Variants in SMAD6 observed in about 807,000 individuals in gnomAD.
SMAD6 encodes the protein SMAD family member 6.
SMAD6 carries 103 observed loss-of-function variants against 39.4 expected under a neutral mutation model. That is an observed-to-expected ratio of 2.62 (90% CI 2.23 to 3.08). SMAD6 has a LOEUF of 3.08. Ranked by LOEUF, SMAD6 falls within the 30% of genes most tolerant of loss-of-function variation. The pLI, the probability that SMAD6 is intolerant of heterozygous loss-of-function variation, is 0.00. For synonymous variants in SMAD6, 445 were observed against 353.3 expected (o/e 1.26, Z -2.91); for missense variants, 1,104 against 742.9 (o/e 1.49, Z -5.65).
rs758702806 is a variant in SMAD6, at chr15:66,781,159, A to G, written c.1115A>G (p.Asn372Ser). 1 of 1,608,184 alleles carries G rather than the reference A, an allele frequency of 6.2e-7. No homozygotes were observed. Among genetic ancestry groups the G allele is most frequent in the Admixed American group, 1.7e-5 (1 of 59,988 alleles). ...QGSGFCLGQL[N>S]LEQRSESVRR... ...AGCGGCTTCTGCCTGGGCCAGCTCA[A>G]CCTGGAGCAGCGCAGCGAGTCGGTG... Residue 372 changes from asparagine (N) to serine (S), a missense_variant, in exon 4 of 4, where the codon AAC becomes AGC. Coordinates refer to ENST00000288840, the MANE Select transcript of SMAD6 (RefSeq NM_005585.5).
intron 3 of SMAD6, among the ~76,000 whole-genome samples, chr15:66,724,944 C>G (rs1241895382): frequency 6.6e-6 from 1 of 152,118 alleles, no homozygotes; most frequent in Non-Finnish European, 1.5e-5. Context: ...CTGAGGAGAC[C>G]TTAAATTCCA....
chr15:66,713,263 G>C (rs535009035), intron 2 of SMAD6, among the ~76,000 whole-genome samples: 1 of 152,172 alleles, frequency 6.6e-6, no homozygotes, highest in East Asian at 1.9e-4. Flanking sequence ...GGTTTTGTTT[G>C]GTTTTTGGTA....
chr15:66,736,626 A>G (rs996608546), intron 3 of SMAD6, among the ~76,000 whole-genome samples: 2 of 151,648 alleles, frequency 1.3e-5, no homozygotes, highest in African/African-American at 4.8e-5. Context: ...GACCAGTTAC[A>G]TCAGAGTCCC....
rs887711934 is a variant in SMAD6 at position 66,714,812 on chromosome 15, C to T, written c.875-1609C>T. Among the ~76,000 whole-genome samples, 11 of 152,294 alleles carry T rather than the reference C, an allele frequency of 7.2e-5. No individual in the cohort carries two copies. The South Asian group carries it at 1.4e-3, about 20-fold the overall frequency. ...CAAGGGCGTGATAGGGACTTACTAG[C>T]TGTGAAAGGTGGAAACCGCTTGTCG... On this transcript the variant is annotated intron_variant, in intron 2 of 3. Transcript: ENST00000288840.
chr15:66,727,106 T>C (rs1380467275), intron 3 of SMAD6, among the ~76,000 whole-genome samples: 8 of 151,514 alleles, frequency 5.3e-5, no homozygotes, highest in African/African-American at 9.7e-5. Context: ...CTTCTTCTTT[T>C]TTTTTTTTTT....
chr15:66,750,976 C>T (rs1353173962), intron 3 of SMAD6, among the ~76,000 whole-genome samples: 3 of 152,156 alleles, frequency 2.0e-5, no homozygotes, highest in Non-Finnish European at 4.4e-5. Context: ...GAGGTGTTTG[C>T]TGGGCCTCCA....
At chr15:66,708,954 G>T (rs1402304711) in intron 1 of SMAD6, among the ~76,000 whole-genome samples, 1 of 152,202 alleles carries the variant, frequency 6.6e-6, no homozygotes, top group South Asian at 2.1e-4. Flanking sequence ...TTTTGGAAAG[G>T]GTCACCTGAT....
intron 1 of SMAD6, chr15:66,708,720 A>G: frequency 2.1e-6 from 1 of 471,870 alleles, no homozygotes; most frequent in Non-Finnish European, 4.4e-6. Context: ...CAGAATGGGC[A>G]AACCCATAGA....
chr15:66,721,502 G>C (rs1464267240), intron 3 of SMAD6, among the ~76,000 whole-genome samples: 2 of 152,216 alleles, frequency 1.3e-5, no homozygotes, highest in East Asian at 3.8e-4. Flanking sequence ...GTGGGCTGAA[G>C]AGCATGGGCT....
In SMAD6 at chr15:66,781,248, G is replaced by A. The variant is rs1013289041; in HGVS notation, c.1204G>A (p.Ala402Thr). The A allele has an allele frequency of 2.5e-6, 4 of 1,608,252 alleles. No homozygotes were observed. The highest frequency in any genetic ancestry group is 1.3e-5 in the African/African-American group (1 of 74,914). ...CAGCAAGGAGCCCGACGGCGTGTGG[G>A]CCTACAACCGCGGCGAGCACCCCAT... ...LLSKEPDGVW[A>T]YNRGEHPIFV... Residue 402 changes from alanine to threonine, a missense_variant, in exon 4 of 4, where the codon GCC becomes ACC. Transcript: ENST00000288840.
At chr15:66,774,333 A>G (rs545393694) in intron 3 of SMAD6, among the ~76,000 whole-genome samples, 13 of 152,268 alleles carry the variant, frequency 8.5e-5, no homozygotes, top group South Asian at 4.1e-4. Context: ...CCTCCCTCAG[A>G]CTGCAGTCAG....
chr15:66,763,988 C>A (rs984687011), intron 3 of SMAD6, among the ~76,000 whole-genome samples: 1 of 152,242 alleles, frequency 6.6e-6, no homozygotes, highest in African/African-American at 2.4e-5. Context: ...CCTCGGCCAT[C>A]CACGGGACTT....
At chr15:66,715,640 C>T (rs1012187209) in intron 2 of SMAD6, among the ~76,000 whole-genome samples, 7 of 152,212 alleles carry the variant, frequency 4.6e-5, no homozygotes, top group Middle Eastern at 6.8e-3. Context: ...CAAAAGGCAT[C>T]GGCTTGTCAA....
chr15:66,740,060 C>G (rs1427995394), intron 3 of SMAD6, among the ~76,000 whole-genome samples: 1 of 152,200 alleles, frequency 6.6e-6, no homozygotes, highest in East Asian at 1.9e-4. Context: ...CTATTCTGGT[C>G]TATGGATCTA....
chr15:66,714,324 C>T (rs2140600699), intron 2 of SMAD6, among the ~76,000 whole-genome samples: 1 of 152,090 alleles, frequency 6.6e-6, no homozygotes, highest in Middle Eastern at 3.4e-3. Context: ...TCAAATAGCT[C>T]AGCCCACCAC....
chr15:66,713,168 A>G (rs983956423), intron 2 of SMAD6, among the ~76,000 whole-genome samples: 1 of 152,200 alleles, frequency 6.6e-6, no homozygotes, highest in African/African-American at 2.4e-5. Context: ...TTGTGACCCA[A>G]GCAGTTCCCG....
At chr15:66,762,820 C>G (rs1894223745) in intron 3 of SMAD6, among the ~76,000 whole-genome samples, 1 of 152,092 alleles carries the variant, frequency 6.6e-6, no homozygotes, top group South Asian at 2.1e-4. Flanking sequence ...TTGCACAGTG[C>G]CAAGCCCCAA....
chr15:66,757,074 A>G (rs1175309996), intron 3 of SMAD6, among the ~76,000 whole-genome samples: 1 of 152,186 alleles, frequency 6.6e-6, no homozygotes, highest in Non-Finnish European at 1.5e-5. Context: ...TCCTGAGGAC[A>G]TGGCTTAATC....
In SMAD6 at chr15:66,748,500, A is replaced by G. The variant is rs188647063; in HGVS notation, c.952+32002A>G. Among the ~76,000 whole-genome samples, 13 of 152,370 alleles carry G rather than the reference A, an allele frequency of 8.5e-5. No individual in the cohort carries two copies. The East Asian group carries it at 2.1e-3, about 25-fold the overall frequency. ...CAGCTAAGGGCATTGGGTTACAACA[A>G]TAAATAAAAATGAACAGTGCCCTGA... On this transcript the variant is annotated intron_variant, in intron 3 of 3. Coordinates refer to ENST00000288840, the MANE Select transcript of SMAD6 (RefSeq NM_005585.5).
Sources: gnomAD v4.1 joint callset for allele counts (sites outside exome capture counted in the v4.1 genomes callset) on GRCh38, gnomAD v4.1.1 for gene constraint, MANE v1.5 for transcripts, NCBI Gene and HGNC (gene_info 2026-07-23, HGNC 2026-07-21) for gene names.